Variants in CCDC172 observed in about 807,000 individuals in gnomAD.
CCDC172 encodes the protein coiled-coil domain containing 172.
CCDC172 carries 30 observed loss-of-function variants against 38.0 expected under a neutral mutation model. The observed-to-expected ratio is 0.79, with a 90% CI of 0.59 to 1.07. The LOEUF (loss-of-function observed/expected upper bound fraction) is 1.07. CCDC172 is among the 50% of genes least tolerant of loss of function. The pLI, the probability that CCDC172 is intolerant of heterozygous loss-of-function variation, is 0.00. For missense variants in CCDC172, 297 were observed against 290.1 expected, an observed-to-expected ratio of 1.02 and a Z score of -0.17; for synonymous variants, 78 against 88.3, an observed-to-expected ratio of 0.88 and a Z score of 0.66.
At chr10:116,365,042 A>C (rs1335928639) in intron 7 of CCDC172, among the ~76,000 whole-genome samples, 1 of 152,172 alleles carries the variant, frequency 6.6e-6, no homozygotes, top group Non-Finnish European at 1.5e-5. Flanking sequence ...ACCAGTGCAA[A>C]GTGCCCTTAG....
intron 7 of CCDC172, among the ~76,000 whole-genome samples, chr10:116,366,346 A>G (rs780781074): frequency 6.6e-6 from 1 of 152,080 alleles, no homozygotes; most frequent in Non-Finnish European, 1.5e-5. Context: ...TCGTTCTACA[A>G]TGTGATTCAT....
intron 5 of CCDC172, among the ~76,000 whole-genome samples, chr10:116,350,748 T>A (rs192947109): frequency 5.3e-5 from 8 of 152,312 alleles, no homozygotes; most frequent in African/African-American, 1.9e-4. Context: ...ACAATTCACA[T>A]GTTAAAAGAT....
intron 7 of CCDC172, among the ~76,000 whole-genome samples, chr10:116,378,081 T>C (rs544273153): frequency 8.4e-4 from 128 of 152,196 alleles, no homozygotes; most frequent in African/African-American, 2.9e-3. Flanking sequence ...CTTGGGAGGC[T>C]GAGGCAGGAG....
chr10:116,379,911 C>T lies in CCDC172; in HGVS notation c.*553C>T, dbSNP rs1733803463. The T allele has an allele frequency of 6.6e-6, 1 of 152,418 alleles. No homozygotes were observed. The highest frequency in any genetic ancestry group is 6.5e-5 in the Admixed American group (1 of 15,270). 9.4% of individuals were successfully genotyped at this position (152,418 alleles called of 1,614,324 possible). A position where few individuals can be genotyped will look rare whatever the true frequency, so the allele number is the denominator to read the frequency against. Reference sequence around the variant, plus strand: ...CCACCGTATGAGATGTCTCACTCCCCCTTTGCCTTCAGTCATGATTGGAAA... The same window carrying T: ...CCACCGTATGAGATGTCTCACTCCCTCTTTGCCTTCAGTCATGATTGGAAA... On this transcript the variant is annotated 3_prime_UTR_variant, in exon 9 of 9. Transcript: ENST00000333254.
At chr10:116,366,617 C>G (rs1218651386) in intron 7 of CCDC172, among the ~76,000 whole-genome samples, 1 of 152,032 alleles carries the variant, frequency 6.6e-6, no homozygotes, top group African/African-American at 2.4e-5. Flanking sequence ...TGGTTTGTTT[C>G]AAGATTTTGG....
At chr10:116,364,384 A>C (rs1845098748) in intron 7 of CCDC172, among the ~76,000 whole-genome samples, 1 of 152,190 alleles carries the variant, frequency 6.6e-6, no homozygotes, top group Non-Finnish European at 1.5e-5. Flanking sequence ...AATTTAAGAC[A>C]AACAAATTAT....
intron 3 of CCDC172, among the ~76,000 whole-genome samples, chr10:116,339,401 T>A (rs2134918621): frequency 6.6e-6 from 1 of 152,024 alleles, no homozygotes; most frequent in African/African-American, 2.4e-5. Flanking sequence ...TGTGGTAGAT[T>A]TCATGATCAT....
At position 116,325,204 on chromosome 10, in the gene CCDC172, A is replaced by G. The variant is rs184231157; in HGVS notation, c.80-99A>G. The G allele has an allele frequency of 2.5e-5, 37 of 1,459,508 alleles. No homozygotes were observed. In the Middle Eastern group the frequency reaches 8.8e-4, roughly 35 times the overall value. 90.4% of individuals were successfully genotyped at this position (1,459,508 alleles called of 1,614,324 possible). A position where few individuals can be genotyped will look rare whatever the true frequency, so the allele number is the denominator to read the frequency against. On this transcript the variant is annotated intron_variant, in intron 2 of 8. Coordinates refer to ENST00000333254, the MANE Select transcript of CCDC172 (RefSeq NM_198515.3). ...GAGCCGTTAGGGGAGCTTGCATGCC[A>G]TGCTGAGGGAAAGACAACTGAAAGG...
At chr10:116,365,353 C>T (rs1348119459) in intron 7 of CCDC172, among the ~76,000 whole-genome samples, 1 of 152,094 alleles carries the variant, frequency 6.6e-6, no homozygotes, top group Non-Finnish European at 1.5e-5. Context: ...GAGTGGTCAC[C>T]ACCTAATTCT....
chr10:116,352,361 C>A (rs1844941613), intron 5 of CCDC172, among the ~76,000 whole-genome samples: 1 of 152,038 alleles, frequency 6.6e-6, no homozygotes, highest in African/African-American at 2.4e-5. Context: ...TGTAAAGAAG[C>A]AGCAAATTAC....
At chr10:116,360,295 A>C (rs1845047045) in intron 7 of CCDC172, among the ~76,000 whole-genome samples, 1 of 152,120 alleles carries the variant, frequency 6.6e-6, no homozygotes, top group Admixed American at 6.6e-5. Context: ...ATAGTGGTTA[A>C]ACCCTTTTGA....
chr10:116,369,696 GT>G (rs1845163672), intron 7 of CCDC172, among the ~76,000 whole-genome samples: 1 of 151,968 alleles, frequency 6.6e-6, no homozygotes. Context: ...TGTATATGTT[GT>G]TTTGTATTTA....
intron 7 of CCDC172, among the ~76,000 whole-genome samples, chr10:116,375,911 T>C (rs1165240383): frequency 6.6e-6 from 1 of 152,170 alleles, no homozygotes; most frequent in Admixed American, 6.5e-5. Flanking sequence ...TAGGAACACT[T>C]GTACACTGTT....
intron 5 of CCDC172, among the ~76,000 whole-genome samples, chr10:116,343,664 A>C (rs895986063): frequency 1.3e-5 from 2 of 152,100 alleles, no homozygotes; most frequent in African/African-American, 4.8e-5. Flanking sequence ...GTGTTCATGT[A>C]AATACAGTGC....
intron 7 of CCDC172, among the ~76,000 whole-genome samples, chr10:116,371,317 T>A (rs1845183273): frequency 6.6e-6 from 1 of 151,982 alleles, no homozygotes; most frequent in Non-Finnish European, 1.5e-5. Flanking sequence ...TATTTTTCCC[T>A]TGGAAATATT....
chr10:116,324,945 A>C lies in CCDC172; in HGVS notation c.-65-2A>C. 1 of 1,269,700 alleles carries C rather than the reference A, an allele frequency of 7.9e-7. No homozygotes were observed. The highest frequency in any genetic ancestry group is 1.1e-6 in the Non-Finnish European group (1 of 870,636). 78.7% of individuals were successfully genotyped at this position (1,269,700 alleles called of 1,614,324 possible). A position where few individuals can be genotyped will look rare whatever the true frequency, so the allele number is the denominator to read the frequency against. The stretch of plus-strand genomic sequence containing the variant: ...ATCCATCTTCTTTATTCTGCTTTCC[A>C]GGATCCTCAGAGTTGGTTATAAAAT... On this transcript the variant is annotated splice_acceptor_variant, in intron 1 of 8. Transcript: ENST00000333254. LOFTEE classifies it low-confidence loss of function (5UTR_SPLICE).
At chr10:116,339,923 AT>A (rs773591341) in intron 3 of CCDC172, among the ~76,000 whole-genome samples, 31 of 151,950 alleles carry the variant, frequency 2.0e-4, no homozygotes, top group Non-Finnish European at 4.1e-4. Context: ...TTGAATTTAT[AT>A]CCTTTTTCTT....
chr10:116,335,276 G>A (rs903971665), intron 3 of CCDC172, among the ~76,000 whole-genome samples: 4 of 151,706 alleles, frequency 2.6e-5, no homozygotes, highest in Non-Finnish European at 4.4e-5. Flanking sequence ...CCCATTGATC[G>A]GAAACACTGT....
At chr10:116,377,731 A>G (rs1232769056) in intron 7 of CCDC172, among the ~76,000 whole-genome samples, 1 of 151,354 alleles carries the variant, frequency 6.6e-6, no homozygotes, top group African/African-American at 2.4e-5. Context: ...TTTTTTTTCT[A>G]TACTTAAAAG....
Sources: gnomAD v4.1 joint callset for allele counts (sites outside exome capture counted in the v4.1 genomes callset) on GRCh38, gnomAD v4.1.1 for gene constraint, MANE v1.5 for transcripts, NCBI Gene and HGNC (gene_info 2026-07-23, HGNC 2026-07-21) for gene names.